DDX60: variants seen among roughly 807,000 people sequenced by gnomAD.
DDX60 encodes DExD/H-box helicase 60.
In DDX60, 165 loss-of-function variants were observed where a neutral mutation model predicts 212.8. That is an observed-to-expected ratio of 0.78 (90% CI 0.68 to 0.88). The LOEUF is 0.88. Among genes scored for constraint, DDX60 ranks in the 40% least tolerant of loss-of-function variants. DDX60 has a pLI of 0.00. For missense variants in DDX60, 1,905 were observed against 2,003.9 expected (o/e 0.95, Z 0.94); for synonymous variants, 703 against 685.3 (o/e 1.03, Z -0.40).
chr4:168,290,321 T>C (rs1736032992), intron 8 of DDX60, among the ~76,000 whole-genome samples: 1 of 146,994 alleles, frequency 6.8e-6, no homozygotes, highest in African/African-American at 2.6e-5. Context: ...CTGTTTTCTT[T>C]TCTTTTCTTT....
rs773737773 is a variant in DDX60, at chr4:168,291,826, A to G, written c.963T>C (p.His321=). The change falls in exon 8 of 38, where the codon CAT becomes CAC. Residue 321 remains histidine, a synonymous_variant. Transcript: ENST00000393743. ...LHCLTVVFLL[H]LPLSQRACAR... ...CACAAGCTCTTTGAGAAAGAGGCAG[A>G]TGGAGTAGAAAAACCACAGTGAGAC... 3.1e-6 allele frequency: 5 copies of G among 1,613,934 alleles called. No individual in the cohort carries two copies. The highest frequency in any genetic ancestry group is 4.2e-6 in the Non-Finnish European group (5 of 1,179,870).
At chr4:168,228,525 T>A (rs1733336487) in intron 33 of DDX60, among the ~76,000 whole-genome samples, 1 of 152,166 alleles carries the variant, frequency 6.6e-6, no homozygotes, top group East Asian at 1.9e-4. Context: ...ATTTTACTAG[T>A]CTTTTAGCTG....
At chr4:168,293,288 T>G (rs1736187403) in intron 7 of DDX60, among the ~76,000 whole-genome samples, 1 of 152,202 alleles carries the variant, frequency 6.6e-6, no homozygotes. Context: ...GGAAGGTTCT[T>G]TCAAAAGACA....
chr4:168,269,332 C>T (rs1327421367), intron 19 of DDX60, among the ~76,000 whole-genome samples: 1 of 152,194 alleles, frequency 6.6e-6, no homozygotes, highest in Non-Finnish European at 1.5e-5. Context: ...GGCACGGTGG[C>T]TCACGCCTGT....
intron 5 of DDX60, among the ~76,000 whole-genome samples, chr4:168,303,308 A>C (rs1469299741): frequency 6.6e-6 from 1 of 151,910 alleles, no homozygotes; most frequent in East Asian, 1.9e-4. Context: ...TCTCCAAAAA[A>C]AAAAAAAAAT....
chr4:168,228,761 C>T (rs555507445), intron 33 of DDX60, among the ~76,000 whole-genome samples: 2 of 152,120 alleles, frequency 1.3e-5, no homozygotes, highest in Admixed American at 6.6e-5. Context: ...TTCATTCCTT[C>T]CTGCATTTTC....
At chr4:168,302,217 A>G in intron 6 of DDX60, 83 bp downstream of exon 6, 2 of 557,398 alleles carry the variant, frequency 3.6e-6, no homozygotes, top group South Asian at 6.9e-5. Context: ...TGAGAAGTAC[A>G]TGAGAACTCT....
At chr4:168,288,463 T>G (rs934480648) in intron 8 of DDX60, 148 bp from the exon 9 acceptor site, 1 of 512,428 alleles carries the variant, frequency 2.0e-6, no homozygotes, top group Non-Finnish European at 3.5e-6. Flanking sequence ...TAATGGTGAA[T>G]GCTTTACACC....
At chr4:168,284,770 C>G in intron 12 of DDX60, 50 bp downstream of exon 12, 3 of 898,634 alleles carry the variant, frequency 3.3e-6, no homozygotes, top group Non-Finnish European at 4.9e-6. Context: ...AAATAAGAGG[C>G]AGAGAGTAAA....
At chr4:168,262,262 G>A in intron 23 of DDX60, 134 bp from the exon 24 acceptor site, 2 of 889,166 alleles carry the variant, frequency 2.2e-6, no homozygotes, top group Non-Finnish European at 1.6e-6. Context: ...TCTCCACATG[G>A]CTTCTAATGC....
At chr4:168,318,341 C>G (rs552566043) in intron 1 of DDX60, among the ~76,000 whole-genome samples, 2 of 152,238 alleles carry the variant, frequency 1.3e-5, no homozygotes, top group African/African-American at 4.8e-5. Flanking sequence ...CCACCTTTGA[C>G]GGGGACTCCT....
chr4:168,221,853 C>G lies in DDX60; in HGVS notation c.4853G>C (p.Arg1618Pro), dbSNP rs1313168227. ...TGACAACAGCACTGGAGCCTGAGAG[C>G]GATTGACACCGATTGTGCCTAGAGT... Reference protein sequence around the residue: ...HVTLGTIGVNRSQAPVLLSQK... With the variant: ...HVTLGTIGVNPSQAPVLLSQK... Residue 1618 changes from arginine (R) to proline (P), a missense_variant, in exon 36 of 38, where the codon CGC (arginine) becomes CCC (proline). Arg to Pro is a moderately radical substitution (Grantham distance 103). Coordinates refer to ENST00000393743, the MANE Select transcript of DDX60 (RefSeq NM_017631.6). The G allele has an allele frequency of 6.2e-7, 1 of 1,612,404 alleles. No homozygotes were observed. The highest frequency in any genetic ancestry group is 8.5e-7 in the Non-Finnish European group (1 of 1,179,104).
At chr4:168,304,634 G>A (rs1468990987) in intron 5 of DDX60, among the ~76,000 whole-genome samples, 1 of 152,096 alleles carries the variant, frequency 6.6e-6, no homozygotes, top group Non-Finnish European at 1.5e-5. Context: ...CCGAGACGTG[G>A]AAGCTGCAGT....
intron 33 of DDX60, among the ~76,000 whole-genome samples, chr4:168,234,008 C>A (rs916504928): frequency 3.9e-5 from 6 of 151,960 alleles, no homozygotes; most frequent in Admixed American, 3.9e-4. Flanking sequence ...CATGTATTTG[C>A]CTGTAAAATA....
intron 28 of DDX60, among the ~76,000 whole-genome samples, chr4:168,250,682 C>T (rs1296427873): frequency 7.5e-6 from 1 of 132,844 alleles, no homozygotes; most frequent in Non-Finnish European, 1.6e-5. Context: ...CCTGCCACCA[C>T]GCCCGGCTAA....
chr4:168,314,204 A>G (rs1200611494), intron 1 of DDX60, among the ~76,000 whole-genome samples: 1 of 152,108 alleles, frequency 6.6e-6, no homozygotes, highest in Non-Finnish European at 1.5e-5. Flanking sequence ...CTCTGCCCCA[A>G]CACATGCACG....
chr4:168,298,171 AT>A lies in DDX60; in HGVS notation c.723+4128del, dbSNP rs1736493728. On this transcript the variant is annotated intron_variant, in intron 6 of 37. Coordinates refer to ENST00000393743, the MANE Select transcript of DDX60 (RefSeq NM_017631.6). ...CAGCCCAAAGTTTAAAATTGTTTAAATAAAATAACAAAGAATACACATATCG... is the reference window on the plus strand; with the variant it reads ...CAGCCCAAAGTTTAAAATTGTTTAAAAAAATAACAAAGAATACACATATCG... 2.0e-5 allele frequency among the ~76,000 whole-genome samples: 3 copies of A among 152,144 alleles called. No homozygotes were observed. In the South Asian group the frequency reaches 6.2e-4, roughly 31 times the overall value.
At chr4:168,273,496 T>C (rs1735192126) in intron 17 of DDX60, 98 bp from the exon 18 acceptor site, 1 of 1,448,244 alleles carries the variant, frequency 6.9e-7, no homozygotes, top group East Asian at 2.4e-5. Flanking sequence ...CTGCTTTCAG[T>C]GCAGAAAGCT....
chr4:168,322,584 C>T (rs896959533), upstream of DDX60, among the ~76,000 whole-genome samples: 1 of 152,186 alleles, frequency 6.6e-6, no homozygotes, highest in Non-Finnish European at 1.5e-5. Flanking sequence ...TCAATATATG[C>T]TCATTGCTTC....
Sources: gnomAD v4.1 joint callset for allele counts (sites outside exome capture counted in the v4.1 genomes callset) on GRCh38, gnomAD v4.1.1 for gene constraint, MANE v1.5 for transcripts, NCBI Gene and HGNC (gene_info 2026-07-23, HGNC 2026-07-21) for gene names.